Variants in KALRN observed in about 807,000 individuals in gnomAD.
The protein encoded by KALRN is kalirin RhoGEF kinase, also known as kalirin.
In KALRN, 70 loss-of-function variants were observed where a neutral mutation model predicts 353.7. The ratio of observed to expected loss-of-function variants is 0.20; its 90% CI spans 0.16 to 0.24. The LOEUF (loss-of-function observed/expected upper bound fraction) is 0.24, where lower values mean the gene tolerates loss of function less well. Among genes scored for constraint, KALRN ranks in the 10% least tolerant of loss-of-function variants. The probability of loss-of-function intolerance (pLI) is 1.00; values close to 1 mark genes in which losing one functional copy is unlikely to be tolerated. For synonymous variants in KALRN, 1,391 were observed against 1,434.8 expected (o/e 0.97, Z 0.69); for missense variants, 2,791 against 3,756.7 (o/e 0.74, Z 6.72).
chr3:124,254,950 A>ATT (rs2071720745), intron 3 of KALRN, among the ~76,000 whole-genome samples: 1 of 123,244 alleles, frequency 8.1e-6, no homozygotes, highest in Non-Finnish European at 1.8e-5. Context: ...GTATATATAT[A>ATT]TATTTTTTTT....
At chr3:124,304,335 T>A (rs548556529) in intron 6 of KALRN, among the ~76,000 whole-genome samples, 2 of 152,202 alleles carry the variant, frequency 1.3e-5, no homozygotes, top group Non-Finnish European at 2.9e-5. Context: ...TTGCTAAACA[T>A]GCAGATTTCT....
intron 52 of KALRN, 86 bp downstream of exon 52, chr3:124,693,917 C>T: frequency 1.1e-6 from 1 of 915,744 alleles, no homozygotes; most frequent in Non-Finnish European, 1.7e-6. Flanking sequence ...TGGCTGTAAG[C>T]AATGGTGATA....
intron 1 of KALRN, among the ~76,000 whole-genome samples, chr3:124,153,320 A>G (rs1287330538): frequency 7.6e-6 from 1 of 132,108 alleles, no homozygotes; most frequent in Non-Finnish European, 1.6e-5. Flanking sequence ...TCCTGTGTCC[A>G]TGTGTTCTCA....
intron 34 of KALRN, among the ~76,000 whole-genome samples, chr3:124,622,359 G>T (rs1175515509): frequency 6.6e-6 from 1 of 152,158 alleles, no homozygotes; most frequent in East Asian, 1.9e-4. Context: ...AACAGGTATG[G>T]TTTATATGGA....
chr3:124,599,041 G>A (rs1054341529), intron 34 of KALRN, among the ~76,000 whole-genome samples: 1 of 152,102 alleles, frequency 6.6e-6, no homozygotes, highest in Non-Finnish European at 1.5e-5. Context: ...GGGGACAGGG[G>A]TGGGGTGGGG....
At chr3:124,641,648 T>C (rs2082048409) in intron 37 of KALRN, among the ~76,000 whole-genome samples, 2 of 152,238 alleles carry the variant, frequency 1.3e-5, no homozygotes, top group African/African-American at 4.8e-5. Flanking sequence ...TGAGTAGGCA[T>C]GAATGGGCTT....
chr3:124,661,604 G>A (rs1302561297), intron 44 of KALRN, among the ~76,000 whole-genome samples: 1 of 152,160 alleles, frequency 6.6e-6, no homozygotes, highest in East Asian at 1.9e-4. Flanking sequence ...GGGAAAGGAG[G>A]GGCTGAGTAA....
intron 6 of KALRN, among the ~76,000 whole-genome samples, chr3:124,324,121 A>C (rs1015772293): frequency 3.9e-5 from 6 of 152,184 alleles, no homozygotes; most frequent in Non-Finnish European, 7.4e-5. Context: ...AAAAGGTCTC[A>C]ATAGGGATTG....
At chr3:124,691,403 G>A (rs547875026) in intron 51 of KALRN, among the ~76,000 whole-genome samples, 20 of 152,248 alleles carry the variant, frequency 1.3e-4, no homozygotes, top group East Asian at 3.9e-4. Context: ...ACTCCAGCCC[G>A]GGCAAGAAGA....
chr3:124,156,415 C>T (rs1277682084), intron 1 of KALRN, among the ~76,000 whole-genome samples: 1 of 152,192 alleles, frequency 6.6e-6, no homozygotes, highest in East Asian at 1.9e-4. Context: ...TCTACTTAAA[C>T]TTGGGGCCTG....
At chr3:124,063,405 G>A (rs369805838) in intron 1 of KALRN, among the ~76,000 whole-genome samples, 1 of 152,164 alleles carries the variant, frequency 6.6e-6, no homozygotes, top group African/African-American at 2.4e-5. Context: ...CAAGAGGCGT[G>A]GTCTCCTCGG....
chr3:124,125,163 A>G (rs988827931), intron 1 of KALRN, among the ~76,000 whole-genome samples: 2 of 152,198 alleles, frequency 1.3e-5, no homozygotes, highest in Non-Finnish European at 2.9e-5. Flanking sequence ...AGGGTTTCAC[A>G]TGGGTTATCT....
chr3:124,699,823 T>A, intron 55 of KALRN, 46 bp from the exon 56 acceptor site: 1 of 1,584,278 alleles, frequency 6.3e-7, no homozygotes, highest in South Asian at 1.1e-5. Flanking sequence ...TGAAACAATA[T>A]CCCTTTGGCT....
chr3:124,552,121 C>A (rs1463080111), intron 33 of KALRN, among the ~76,000 whole-genome samples: 1 of 152,170 alleles, frequency 6.6e-6, no homozygotes, highest in Non-Finnish European at 1.5e-5. Context: ...CTTAGTCTGC[C>A]TGAGGATGAA....
intron 33 of KALRN, among the ~76,000 whole-genome samples, chr3:124,503,190 C>T (rs1041354752): frequency 6.6e-6 from 1 of 152,148 alleles, no homozygotes; most frequent in Non-Finnish European, 1.5e-5. Context: ...ACACTTCAAA[C>T]CCTTAAATAA....
chr3:124,453,874 G>C (rs1221190293), intron 21 of KALRN, among the ~76,000 whole-genome samples: 1 of 152,074 alleles, frequency 6.6e-6, no homozygotes, highest in East Asian at 1.9e-4. Flanking sequence ...AATTCCTATA[G>C]TGTTAACTCT....
chr3:124,390,174 C>T (rs1465973318), intron 11 of KALRN, among the ~76,000 whole-genome samples: 1 of 152,218 alleles, frequency 6.6e-6, no homozygotes, highest in African/African-American at 2.4e-5. Flanking sequence ...ATTTGTAGCA[C>T]CTGCCCTGCA....
chr3:124,694,597 T>C, intron 53 of KALRN, 94 bp downstream of exon 53: 1 of 1,253,074 alleles, frequency 8.0e-7, no homozygotes, highest in Non-Finnish European at 1.1e-6. Flanking sequence ...CTCTGGTGAC[T>C]GGGCTCTGCA....
At chr3:124,562,260 A>G (rs1340438977) in intron 33 of KALRN, among the ~76,000 whole-genome samples, 2 of 152,152 alleles carry the variant, frequency 1.3e-5, no homozygotes, top group South Asian at 2.1e-4. Context: ...TTTTAGGCTG[A>G]TGGCTCCAGT....
Sources: allele counts gnomAD v4.1 joint callset (sites outside exome capture counted in the v4.1 genomes callset), GRCh38; gene constraint gnomAD v4.1.1; transcripts MANE v1.5; gene names NCBI Gene and HGNC (gene_info 2026-07-23, HGNC 2026-07-21).